PCDHGB7: variants seen among roughly 807,000 people sequenced by gnomAD.
The protein encoded by PCDHGB7 is protocadherin gamma subfamily B, 7.
In PCDHGB7, 37 loss-of-function variants were observed where a neutral mutation model predicts 61.4. The ratio of observed to expected loss-of-function variants is 0.60; its 90% confidence interval spans 0.46 to 0.79. The LOEUF is 0.79. Ranked by LOEUF, PCDHGB7 falls within the 30% of genes least tolerant of loss-of-function variation. PCDHGB7 has a pLI of 0.00. For synonymous variants in PCDHGB7, 464 were observed against 503.5 expected, an observed-to-expected ratio of 0.92 and a Z score of 1.05; for missense variants, 1,166 against 1,202.5, an observed-to-expected ratio of 0.97 and a Z score of 0.45.
In PCDHGB7 at chr5:141,494,863, C is replaced by A. The variant is rs538734954; in HGVS notation, c.2472C>A (p.Ser824Arg). 17 of 1,614,118 alleles carry A rather than the reference C, an allele frequency of 1.1e-5. No individual in the cohort carries two copies. Among genetic ancestry groups the A allele is most frequent in the Non-Finnish European group, 1.4e-5 (17 of 1,179,994 alleles). Residue 824 changes from serine to arginine, a missense_variant and splice_region_variant, in exon 2 of 4, where the codon AGC becomes AGA. By Grantham distance (110) the Ser-to-Arg change is moderately radical. Transcript: ENST00000398594. ...RFSQAQRPGT[S>R]GSQNGDDTGT... ...CTCAGGCCCAGAGACCCGGCACCAG[C>A]GGGTAGGTGACTGATTCTCCAGCCC...
At position 141,464,471 on chromosome 5, in the gene PCDHGB7, G is replaced by A. The variant is rs142068327; in HGVS notation, c.2416-30336G>A. On this transcript the variant is annotated intron_variant, in intron 1 of 3. Coordinates refer to ENST00000398594, the MANE Select transcript of PCDHGB7 (RefSeq NM_018927.4). ...TTGTTGTTATTTTTGAAGTATGTAC[G>A]TATAATAAATTCCTAATAGTGTGAT... Among the ~76,000 whole-genome samples, 204 of 151,612 alleles carry A rather than the reference G, an allele frequency of 1.3e-3. 1 individual carries two copies. The highest frequency in any genetic ancestry group is 2.3e-3 in the Non-Finnish European group (156 of 67,928).
At chr5:141,471,217 T>G (rs2099252724) in intron 1 of PCDHGB7, 1 of 151,568 alleles carries the variant, frequency 6.6e-6, no homozygotes, top group South Asian at 2.1e-4. Context: ...GCCTGGCAAT[T>G]TTTTTGTATT....
At chr5:141,452,193 G>A (rs764434048) in intron 1 of PCDHGB7, among the ~76,000 whole-genome samples, 3 of 151,990 alleles carry the variant, frequency 2.0e-5, no homozygotes, top group Admixed American at 6.6e-5. Context: ...ACCTCAAATT[G>A]TTTTAGATGT....
rs1561775322 is a variant in PCDHGB7, at chr5:141,418,667, G to A, written c.808G>A (p.Asp270Asn). The change falls in exon 1 of 4, where the codon GAC becomes AAC. Residue 270 changes from aspartate to asparagine, a missense_variant. By Grantham distance (23) the Asp-to-Asn change is conservative (BLOSUM62 1). Coordinates refer to ENST00000398594, the MANE Select transcript of PCDHGB7 (RefSeq NM_018927.4). ...SILRVKATDQ[D>N]EGINSEITYS... ...CCTGAGAGTGAAGGCCACTGACCAG[G>A]ACGAGGGCATCAACTCAGAGATCAC... The A allele has an allele frequency of 6.2e-7, 1 of 1,614,036 alleles. No individual in the cohort carries two copies. Among genetic ancestry groups the A allele is most frequent in the Admixed American group, 1.7e-5 (1 of 60,032 alleles).
chr5:141,485,067 C>G lies in PCDHGB7; in HGVS notation c.2416-9740C>G, dbSNP rs944494894. On this transcript the variant is annotated intron_variant, in intron 1 of 3. Transcript: ENST00000398594. This position sits in a 1 kb window ranked among gnomAD's most constrained non-coding sequence, Gnocchi z 5.7. Reference sequence around the variant, plus strand: ...CGGCGCCGGCCGAACCGCGCCAGAGCTGGCGCGGGGAAAGGGAGATAGGTG... The same window carrying G: ...CGGCGCCGGCCGAACCGCGCCAGAGGTGGCGCGGGGAAAGGGAGATAGGTG... 21 of 894,418 alleles carry G rather than the reference C, an allele frequency of 2.3e-5. No individual in the cohort carries two copies. The highest frequency in any genetic ancestry group is 1.8e-4 in the Admixed American group (8 of 43,320). 55.4% of individuals were successfully genotyped at this position (894,418 alleles called of 1,614,324 possible). A position where few individuals can be genotyped will look rare whatever the true frequency, so the allele number is the denominator to read the frequency against.
At chr5:141,478,711 T>G (rs1420376406) in intron 1 of PCDHGB7, 1 of 1,547,346 alleles carries the variant, frequency 6.5e-7, no homozygotes. Context: ...CTTTGTGAGA[T>G]GGTGGCCTGC....
chr5:141,489,636 C>T lies in PCDHGB7; in HGVS notation c.2416-5171C>T. On this transcript the variant is annotated intron_variant, in intron 1 of 3. Coordinates refer to ENST00000398594, the MANE Select transcript of PCDHGB7 (RefSeq NM_018927.4). The surrounding 1 kb of genome is among the most constrained non-coding windows in gnomAD (Gnocchi z 4.5). ...TGGATCTCAATGACAACTCTCCTAG[C>T]TTTGCCACCCCTGAGCGAGAGATGC... 1.2e-6 allele frequency: 2 copies of T among 1,614,190 alleles called. No homozygotes were observed. The highest frequency in any genetic ancestry group is 1.7e-6 in the Non-Finnish European group (2 of 1,180,030).
Position 141,491,964 on chromosome 5 carries a change from C to A in PCDHGB7, c.2416-2843C>A. On this transcript the variant is annotated intron_variant, in intron 1 of 3. Transcript: ENST00000398594. The surrounding 1 kb of genome is among the most constrained non-coding windows in gnomAD (Gnocchi z 6.9). ...CCCCACCCCTACACTCAAAAAAGGC[C>A]GGGGCCTCCTTCGAGCTTCCGGTGA... The A allele has an allele frequency of 1.1e-6, 1 of 943,952 alleles. No homozygotes were observed. The highest frequency in any genetic ancestry group is 1.5e-6 in the Non-Finnish European group (1 of 671,094). 58.5% of individuals were successfully genotyped at this position (943,952 alleles called of 1,614,324 possible). A position where few individuals can be genotyped will look rare whatever the true frequency, so the allele number is the denominator to read the frequency against.
At chr5:141,492,548 C>A (rs1028674110) in intron 1 of PCDHGB7, among the ~76,000 whole-genome samples, 1 of 152,218 alleles carries the variant, frequency 6.6e-6, no homozygotes, top group Non-Finnish European at 1.5e-5. Flanking sequence ...TGGGCCGGGT[C>A]GCCTGGGGGG....
At chr5:141,472,066 T>C (rs1440684719) in intron 1 of PCDHGB7, among the ~76,000 whole-genome samples, 1 of 152,140 alleles carries the variant, frequency 6.6e-6, no homozygotes, top group African/African-American at 2.4e-5. Flanking sequence ...GACATGTCTG[T>C]GGTTATATCA....
Position 141,487,535 on chromosome 5 carries a change from G to A in PCDHGB7, c.2416-7272G>A. 6.2e-7 allele frequency: 1 copy of A among 1,614,154 alleles called. No individual in the cohort carries two copies. Among genetic ancestry groups the A allele is most frequent in the South Asian group, 1.1e-5 (1 of 91,084 alleles). ...CACTCGGAGTGATAGCTTCATGATG[G>A]TGAAGTCACCCAGTGCACCTATGGC... On this transcript the variant is annotated intron_variant, in intron 1 of 3. Transcript: ENST00000398594. This position sits in a 1 kb window ranked among gnomAD's most constrained non-coding sequence, Gnocchi z 5.0.
At chr5:141,447,976 C>T (rs774074042) in intron 1 of PCDHGB7, among the ~76,000 whole-genome samples, 18 of 151,938 alleles carry the variant, frequency 1.2e-4, no homozygotes, top group Non-Finnish European at 2.5e-4. Flanking sequence ...ATCCCAGCTA[C>T]TCGGGAGGCT....
chr5:141,437,820 C>T (rs973577605), intron 1 of PCDHGB7, among the ~76,000 whole-genome samples: 4 of 151,904 alleles, frequency 2.6e-5, no homozygotes, highest in Non-Finnish European at 5.9e-5. Flanking sequence ...TCACTGCAAC[C>T]TCTGCCTCCT....
intron 1 of PCDHGB7, among the ~76,000 whole-genome samples, chr5:141,455,650 C>T (rs1176718096): frequency 2.6e-5 from 4 of 151,994 alleles, no homozygotes; most frequent in African/African-American, 9.7e-5. Flanking sequence ...AGCCATGTGG[C>T]CAGGAACTTG....
chr5:141,422,156 T>C, intron 1 of PCDHGB7: 2 of 1,573,504 alleles, frequency 1.3e-6, no homozygotes, highest in Non-Finnish European at 8.6e-7. Flanking sequence ...TCTCTGGATT[T>C]TGAAAAATAT....
rs773942024 is a variant in PCDHGB7, at chr5:141,433,234, C to G, written c.2415+12960C>G. 3.3e-6 allele frequency: 5 copies of G among 1,512,860 alleles called. No homozygotes were observed. In the South Asian group the frequency reaches 5.0e-5, roughly 15 times the overall value. The allele number at this position is 1,512,860 out of a possible 1,614,324, so 93.7% of individuals were successfully genotyped here. A position where few individuals can be genotyped will look rare whatever the true frequency, so the allele number is the denominator to read the frequency against. On this transcript the variant is annotated intron_variant, in intron 1 of 3. Coordinates refer to ENST00000398594, the MANE Select transcript of PCDHGB7 (RefSeq NM_018927.4). ...TTTTTTTTTTTTAATTGCTCTGTCT[C>G]CCAAGCTGGAATGCAGCGGTACGAT...
Position 141,431,180 on chromosome 5 carries a change from A to C in PCDHGB7, c.2415+10906A>C. The C allele has an allele frequency of 6.2e-7, 1 of 1,614,246 alleles. No homozygotes were observed. The highest frequency in any genetic ancestry group is 8.5e-7 in the Non-Finnish European group (1 of 1,180,044). On this transcript the variant is annotated intron_variant, in intron 1 of 3. Transcript: ENST00000398594. This position sits in a 1 kb window ranked among gnomAD's most constrained non-coding sequence, Gnocchi z 4.8. ...CTTTCGTGAAAGTGAATTAGAAATA[A>C]AAATTAGTGAAAATGCAGCCACTGA...
rs771313271 is a variant in PCDHGB7 at position 141,477,861 on chromosome 5, G to C, written c.2416-16946G>C. 1.2e-6 allele frequency: 2 copies of C among 1,612,714 alleles called. No individual in the cohort carries two copies. Among genetic ancestry groups the C allele is most frequent in the South Asian group, 1.1e-5 (1 of 90,968 alleles). On this transcript the variant is annotated intron_variant, in intron 1 of 3. Transcript: ENST00000398594. The surrounding 1 kb of genome is among the most constrained non-coding windows in gnomAD (Gnocchi z 4.9). ...GGGAGCTCGGTGGAGATGCTGCCTC[G>C]AGGTACCTCAGCTGGCCACCTAGTG...
chr5:141,447,048 A>T (rs149112101), intron 1 of PCDHGB7, among the ~76,000 whole-genome samples: 1 of 152,066 alleles, frequency 6.6e-6, no homozygotes, highest in Non-Finnish European at 1.5e-5. Flanking sequence ...CTGGAATTCT[A>T]TTAAAATGTG....
Sources: gnomAD v4.1 joint callset for allele counts (sites outside exome capture counted in the v4.1 genomes callset) on GRCh38, gnomAD v4.1.1 for gene constraint, Gnocchi (gnomAD v3.1) non-coding constraint, MANE v1.5 for transcripts, NCBI Gene and HGNC (gene_info 2026-07-23, HGNC 2026-07-21) for gene names.